The following NEDD4L variants were observed in gnomAD, a reference collection of about 807,000 sequenced individuals.
The protein encoded by NEDD4L is NEDD4 like E3 ubiquitin protein ligase, also known as E3 ubiquitin-protein ligase NEDD4-like.
NEDD4L carries 54 observed loss-of-function variants against 148.9 expected under a neutral mutation model. The observed-to-expected ratio is 0.36, with a 90% confidence interval of 0.29 to 0.45. The LOEUF (loss-of-function observed/expected upper bound fraction) is 0.45. NEDD4L is among the 20% of genes least tolerant of loss of function. NEDD4L has a pLI of 1.00. For missense variants in NEDD4L, 856 were observed against 1,233.8 expected (o/e 0.69, Z 4.59); for synonymous variants, 433 against 440.7 (o/e 0.98, Z 0.22).
chr18:58,305,110 C>G (rs562579214), intron 5 of NEDD4L, among the ~76,000 whole-genome samples: 7 of 152,310 alleles, frequency 4.6e-5, no homozygotes, highest in Admixed American at 2.0e-4. Flanking sequence ...ATTTTTACCT[C>G]CATATGTAAA....
chr18:58,051,797 A>T (rs183348891), intron 1 of NEDD4L, among the ~76,000 whole-genome samples: 2 of 152,358 alleles, frequency 1.3e-5, no homozygotes, highest in African/African-American at 4.8e-5. Flanking sequence ...TTGGTAGTCC[A>T]TGCTAAGGAG....
chr18:58,396,234 G>C lies in NEDD4L; in HGVS notation c.2893G>C (p.Val965Leu). The change falls in exon 31 of 31, where the codon GTG becomes CTG. Residue 965 changes from valine to leucine, a missense_variant. Physicochemically the swap from Val to Leu is conservative, Grantham distance 32. This residue lies in a region of NEDD4L where 286 missense variants were observed against 531.8 expected (regional missense o/e 0.54). Transcript: ENST00000400345. ...TTTACGAGAGAAACTTCTCATGGCC[G>C]TGGAAAATGCTCAAGGATTTGAAGG... is the stretch of plus-strand genomic sequence containing the variant. Reference protein sequence around the residue: ...EDLREKLLMAVENAQGFEGVD With the variant: ...EDLREKLLMALENAQGFEGVD 6.2e-7 allele frequency: 1 copy of C among 1,613,094 alleles called. No individual in the cohort carries two copies.
chr18:58,398,157 TAAAAAAAAAAAAA>T lies in NEDD4L; in HGVS notation c.*1913_*1925del, dbSNP rs35545013. The T allele has an allele frequency of 5.6e-3, 174 of 31,014 alleles. No homozygotes were observed. The highest frequency in any genetic ancestry group is 0.044 in the South Asian group (18 of 412). 1.9% of individuals were successfully genotyped at this position (31,014 alleles called of 1,614,324 possible). On this transcript the variant is annotated 3_prime_UTR_variant, in exon 31 of 31. Coordinates refer to ENST00000400345, the MANE Select transcript of NEDD4L (RefSeq NM_001144967.3). ...TCAGAAAACTTAGATGCTATGTAACTAAAAAAAAAAAAAAAAAAAAAAAAAAAAAAAAAAAAAT... is the reference window on the plus strand; with the variant it reads ...TCAGAAAACTTAGATGCTATGTAACTAAAAAAAAAAAAAAAAAAAAAAAAT...
chr18:58,262,924 C>G (rs889678139), intron 5 of NEDD4L, among the ~76,000 whole-genome samples: 1 of 152,158 alleles, frequency 6.6e-6, no homozygotes, highest in Non-Finnish European at 1.5e-5. Context: ...TAGTTTCTTT[C>G]AGGATGGAGG....
intron 2 of NEDD4L, among the ~76,000 whole-genome samples, chr18:58,168,961 G>A (rs1285906496): frequency 6.6e-6 from 1 of 152,034 alleles, no homozygotes; most frequent in Non-Finnish European, 1.5e-5. Flanking sequence ...GATGGTCAGG[G>A]GCGGGTGACG....
chr18:58,346,118 G>GTTC (rs1362135213), intron 16 of NEDD4L, among the ~76,000 whole-genome samples: 25 of 152,168 alleles, frequency 1.6e-4, no homozygotes, highest in Non-Finnish European at 3.2e-4. Context: ...CCTGGGTCAG[G>GTTC]CCTTTCAGGG....
chr18:58,152,912 C>G (rs2034971675), intron 1 of NEDD4L, among the ~76,000 whole-genome samples: 1 of 152,210 alleles, frequency 6.6e-6, no homozygotes, highest in South Asian at 2.1e-4. Flanking sequence ...CAAGTACCTG[C>G]AAGTCCAGTG....
At chr18:58,123,436 C>A (rs12957255) in intron 1 of NEDD4L, among the ~76,000 whole-genome samples, 1 of 152,000 alleles carries the variant, frequency 6.6e-6, no homozygotes, top group Non-Finnish European at 1.5e-5. Flanking sequence ...ACCCCCTTTC[C>A]GGTGCCCTCA....
intron 1 of NEDD4L, among the ~76,000 whole-genome samples, chr18:58,081,425 C>G (rs1296344250): frequency 6.6e-6 from 1 of 151,944 alleles, no homozygotes; most frequent in Non-Finnish European, 1.5e-5. Flanking sequence ...CCGTGTTAGC[C>G]AGGAAGGTCT....
intron 5 of NEDD4L, among the ~76,000 whole-genome samples, chr18:58,289,490 G>A (rs577250649): frequency 8.5e-5 from 13 of 152,208 alleles, no homozygotes; most frequent in Non-Finnish European, 1.8e-4. Context: ...ACAAGAATCT[G>A]CCTTTTAAAG....
chr18:58,389,056 C>G (rs1231057668), intron 27 of NEDD4L, 29 bp from the exon 28 acceptor site: 1 of 1,582,876 alleles, frequency 6.3e-7, no homozygotes, highest in Non-Finnish European at 8.7e-7. Context: ...TCACATCCTG[C>G]TTTTACATCT....
Position 58,221,068 on chromosome 18 carries a change from ATAG to A in NEDD4L, c.123-24357_123-24355del, listed in dbSNP as rs774967554. On this transcript the variant is annotated intron_variant, in intron 2 of 30. Transcript: ENST00000400345. The stretch of plus-strand genomic sequence containing the variant: ...TCTTTTGGGGGCTGTAGTTTGTATC[ATAG>A]TTATTTTTGTTCCTGTTTTTTTCCC... Among the ~76,000 whole-genome samples the A allele has an allele frequency of 5.3e-5, 8 of 152,264 alleles. No homozygotes were observed. In the South Asian group the frequency reaches 1.2e-3, roughly 24 times the overall value.
chr18:58,107,172 A>G (rs1035518997), intron 1 of NEDD4L, among the ~76,000 whole-genome samples: 1 of 152,134 alleles, frequency 6.6e-6, no homozygotes, highest in African/African-American at 2.4e-5. Context: ...GGCCCACCCT[A>G]TTGACCTCAT....
chr18:58,165,405 C>T (rs2036722180), intron 1 of NEDD4L, among the ~76,000 whole-genome samples: 1 of 152,118 alleles, frequency 6.6e-6, no homozygotes, highest in African/African-American at 2.4e-5. Flanking sequence ...ATGTCAACTT[C>T]AAAGGAGGAA....
chr18:58,387,366 G>A, intron 26 of NEDD4L, 73 bp from the exon 27 acceptor site: 2 of 1,439,044 alleles, frequency 1.4e-6, no homozygotes, highest in Non-Finnish European at 1.8e-6. Flanking sequence ...AACCAGAAAA[G>A]TTTGTTTTTC....
At chr18:58,245,223 G>A in intron 2 of NEDD4L, among the ~76,000 whole-genome samples, 1 of 152,130 alleles carries the variant, frequency 6.6e-6, no homozygotes, top group South Asian at 2.1e-4. Flanking sequence ...TAGCTTCTAA[G>A]TAAACATTAT....
At chr18:58,353,795 A>T (rs927430635) in intron 18 of NEDD4L, among the ~76,000 whole-genome samples, 1 of 152,202 alleles carries the variant, frequency 6.6e-6, no homozygotes, top group Non-Finnish European at 1.5e-5. Flanking sequence ...TTGCTGTCAT[A>T]ATGCCTACAG....
chr18:58,214,325 G>A (rs2042912490), intron 2 of NEDD4L, among the ~76,000 whole-genome samples: 1 of 152,144 alleles, frequency 6.6e-6, no homozygotes, highest in African/African-American at 2.4e-5. Flanking sequence ...ATCTGTTCAT[G>A]TGATGATACT....
chr18:58,285,018 T>C (rs2053685118), intron 5 of NEDD4L, among the ~76,000 whole-genome samples: 2 of 152,234 alleles, frequency 1.3e-5, no homozygotes, highest in African/African-American at 4.8e-5. Flanking sequence ...TGCTCATAAA[T>C]TTCAGCAGCA....
Sources: allele counts gnomAD v4.1 joint callset (sites outside exome capture counted in the v4.1 genomes callset), GRCh38; gene constraint gnomAD v4.1.1; regional missense constraint gnomAD v4.1.1; transcripts MANE v1.5; gene names NCBI Gene and HGNC (gene_info 2026-07-23, HGNC 2026-07-21).